The following CCNH variants were observed in gnomAD, a reference collection of about 807,000 sequenced individuals.
CCNH encodes cyclin-H.
Under a neutral mutation model 41.9 loss-of-function variants are expected in CCNH, and 31 were observed. That is an observed-to-expected ratio of 0.74 (90% CI 0.56 to 1.00). CCNH has a LOEUF of 1.00. CCNH is among the 50% of genes least tolerant of loss of function. CCNH has a pLI of 0.00. For missense variants in CCNH, 362 were observed against 388.4 expected (o/e 0.93, Z 0.57); for synonymous variants, 138 against 136.1 (o/e 1.01, Z -0.10).
intron 9 of CCNH, among the ~76,000 whole-genome samples, chr5:87,382,929 TAA>T (rs200006864): frequency 7.2e-6 from 1 of 138,846 alleles, no homozygotes; most frequent in Non-Finnish European, 1.6e-5. Flanking sequence ...CAAAAATAAT[TAA>T]AAAAAAAAAA....
chr5:87,331,597 C>A, intron 9 of CCNH: 1 of 1,315,962 alleles, frequency 7.6e-7, no homozygotes, highest in Non-Finnish European at 1.1e-6. Flanking sequence ...GACTCAGTAA[C>A]AAATAATAGA....
At position 87,338,536 on chromosome 5, in the gene CCNH, A is replaced by ATTTTTTTTT. The variant is rs1232583853; in HGVS notation, c.*91-19648_*91-19640dup. ...ATATATATATATATATATATATAAA[A>ATTTTTTTTT]TTTTTTTTTTTTTTAAGTAGAAATG... On this transcript the variant is annotated intron_variant and NMD_transcript_variant, in intron 9 of 9. Coordinates refer to the CCNH transcript ENST00000645953. Among the ~76,000 whole-genome samples the ATTTTTTTTT allele has an allele frequency of 2.8e-4, 24 of 85,220 alleles. 1 individual carries two copies. The highest frequency in any genetic ancestry group is 9.7e-4 in the African/African-American group (22 of 22,624). The allele number at this position is 85,220 out of a possible 152,430, so 55.9% of individuals were successfully genotyped here. A position where few individuals can be genotyped will look rare whatever the true frequency, so the allele number is the denominator to read the frequency against.
intron 5 of CCNH, among the ~76,000 whole-genome samples, chr5:87,404,012 T>C (rs964328098): frequency 6.6e-6 from 1 of 152,188 alleles, no homozygotes; most frequent in African/African-American, 2.4e-5. Flanking sequence ...TTATATACAG[T>C]TGGTGAGCTG....
At chr5:87,355,335 T>C (rs1759571205) in intron 9 of CCNH, among the ~76,000 whole-genome samples, 1 of 152,190 alleles carries the variant, frequency 6.6e-6, no homozygotes, top group African/African-American at 2.4e-5. Flanking sequence ...CAATTATCGT[T>C]GACTATTCTG....
At chr5:87,395,176 C>G (rs1762841571) in intron 7 of CCNH, 72 bp from the exon 8 acceptor site, 2 of 1,365,860 alleles carry the variant, frequency 1.5e-6, no homozygotes, top group Non-Finnish European at 2.1e-6. Context: ...AATAAACTAG[C>G]AAGGCTATAG....
upstream of CCNH, among the ~76,000 whole-genome samples, chr5:87,381,160 G>A (rs567164842): frequency 2.0e-5 from 3 of 152,202 alleles, no homozygotes; most frequent in Admixed American, 2.0e-4. Context: ...ATGGAATTTG[G>A]GAGCTTACGT....
the CCNH span, among the ~76,000 whole-genome samples, chr5:87,312,176 T>C: frequency 2.0e-5 from 3 of 152,232 alleles, no homozygotes; most frequent in Admixed American, 2.0e-4. Flanking sequence ...AATGTTATTA[T>C]ACATGTGGTC....
intron 9 of CCNH, among the ~76,000 whole-genome samples, chr5:87,367,099 T>A (rs1760583608): frequency 6.7e-6 from 1 of 149,248 alleles, no homozygotes; most frequent in Non-Finnish European, 1.5e-5. Flanking sequence ...TTATTAACTA[T>A]TTTTTTTAAA....
chr5:87,339,339 C>T (rs1192192540), intron 9 of CCNH, among the ~76,000 whole-genome samples: 1 of 152,034 alleles, frequency 6.6e-6, no homozygotes, highest in Non-Finnish European at 1.5e-5. Flanking sequence ...GATTAGGACT[C>T]CTAATTCCTA....
chr5:87,336,787 G>A (rs1415288729), intron 9 of CCNH, among the ~76,000 whole-genome samples: 2 of 152,052 alleles, frequency 1.3e-5, no homozygotes, highest in Non-Finnish European at 2.9e-5. Context: ...GAAAGGAATA[G>A]TTTAATTGGT....
At chr5:87,338,536 A>ATATATATATATATATATTTTTTT in intron 9 of CCNH, among the ~76,000 whole-genome samples, 1 of 85,220 alleles carries the variant, frequency 1.2e-5, no homozygotes, top group African/African-American at 4.4e-5. Context: ...TATATATAAA[A>ATATATATATATATATATTTTTTT]TTTTTTTTTT....
At chr5:87,370,415 T>G (rs1391587941) in intron 9 of CCNH, among the ~76,000 whole-genome samples, 3 of 152,202 alleles carry the variant, frequency 2.0e-5, no homozygotes, top group Non-Finnish European at 2.9e-5. Context: ...TAGCGTCTAT[T>G]AAGTAATTGT....
intron 9 of CCNH, chr5:87,385,416 G>A (rs1761996863): frequency 4.0e-6 from 6 of 1,509,732 alleles, no homozygotes; most frequent in Non-Finnish European, 4.6e-6. Flanking sequence ...ACTTTAAAAT[G>A]TAATTTATGA....
chr5:87,357,544 A>G (rs910250444), intron 9 of CCNH, among the ~76,000 whole-genome samples: 8 of 152,108 alleles, frequency 5.3e-5, no homozygotes, highest in Non-Finnish European at 8.8e-5. Context: ...TCTCTACTAA[A>G]AATACAAAAA....
chr5:87,372,190 C>T, downstream of CCNH: 1 of 1,613,208 alleles, frequency 6.2e-7, no homozygotes, highest in Non-Finnish European at 8.5e-7. Flanking sequence ...TAAACGCCTT[C>T]GTCAGGTGAA....
chr5:87,404,438 A>G lies in CCNH; in HGVS notation c.689+406T>C, dbSNP rs915716449. Among the ~76,000 whole-genome samples, 5 of 152,338 alleles carry G rather than the reference A, an allele frequency of 3.3e-5. No homozygotes were observed. The East Asian group carries it at 7.7e-4, about 23-fold the overall frequency. ...TTGAGAAACTTAATATAGAAACTAA[A>G]AATGTCTAATTGGCTGCTAGCTTGT... On this transcript the variant is annotated intron_variant, in intron 5 of 8. Coordinates refer to ENST00000256897, the MANE Select transcript of CCNH (RefSeq NM_001239.4).
At chr5:87,338,235 T>G in intron 9 of CCNH, 1 of 1,311,514 alleles carries the variant, frequency 7.6e-7, no homozygotes, top group Non-Finnish European at 1.0e-6. Context: ...TAAGTGCTGT[T>G]TGTTAGTATG....
Position 87,394,862 on chromosome 5 carries a change from CAGAAG to C in CCNH, c.933+177_933+181del, listed in dbSNP as rs993661414. The stretch of plus-strand genomic sequence containing the variant: ...GGAAGGATTCTTCATTAAATAAAGA[CAGAAG>C]AGAGAAAAATCCCTTTAATAATGGA... On this transcript the variant is annotated intron_variant, in intron 8 of 8. Coordinates refer to ENST00000256897, the MANE Select transcript of CCNH (RefSeq NM_001239.4). 4.8e-5 allele frequency: 66 copies of C among 1,388,986 alleles called. No homozygotes were observed. The African/African-American group carries it at 8.8e-4, about 19-fold the overall frequency. 86.0% of individuals were successfully genotyped at this position (1,388,986 alleles called of 1,614,324 possible). A position where few individuals can be genotyped will look rare whatever the true frequency, so the allele number is the denominator to read the frequency against.
intron 9 of CCNH, among the ~76,000 whole-genome samples, chr5:87,384,755 A>G (rs1229399914): frequency 1.3e-5 from 2 of 152,162 alleles, no homozygotes; most frequent in African/African-American, 4.8e-5. Context: ...TCCACAGGGA[A>G]GTGCTTCCTG....
Sources: gnomAD v4.1 joint callset for allele counts (sites outside exome capture counted in the v4.1 genomes callset) on GRCh38, gnomAD v4.1.1 for gene constraint, MANE v1.5 for transcripts, NCBI Gene and HGNC (gene_info 2026-07-23, HGNC 2026-07-21) for gene names.